The following FTO variants were observed in gnomAD, a reference collection of about 807,000 sequenced individuals.
FTO encodes the protein alpha-ketoglutarate-dependent dioxygenase FTO.
FTO carries 47 observed loss-of-function variants against 63.9 expected under a neutral mutation model. The ratio of observed to expected loss-of-function variants is 0.74; its 90% confidence interval spans 0.58 to 0.94. The LOEUF (loss-of-function observed/expected upper bound fraction) is 0.94, where lower values mean the gene tolerates loss of function less well. Among genes scored for constraint, FTO ranks in the 40% least tolerant of loss-of-function variants. The pLI, the probability that FTO is intolerant of heterozygous loss-of-function variation, is 0.00. For synonymous variants in FTO, 207 were observed against 224.4 expected, an observed-to-expected ratio of 0.92 and a Z score of 0.69; for missense variants, 562 against 618.1, an observed-to-expected ratio of 0.91 and a Z score of 0.96.
At chr16:54,053,896 C>T (rs1375030597) in intron 8 of FTO, among the ~76,000 whole-genome samples, 2 of 152,142 alleles carry the variant, frequency 1.3e-5, no homozygotes, top group Non-Finnish European at 2.9e-5. Flanking sequence ...TCGTAAGCAA[C>T]TTAAATCAAC....
intron 1 of FTO, among the ~76,000 whole-genome samples, chr16:53,809,674 A>T (rs2151735083): frequency 6.6e-6 from 1 of 152,206 alleles, no homozygotes; most frequent in East Asian, 1.9e-4. Context: ...GGGTGCCATG[A>T]CTCATGCCTG....
intron 7 of FTO, among the ~76,000 whole-genome samples, chr16:53,903,101 C>A (rs559052977): frequency 6.6e-6 from 1 of 152,210 alleles, no homozygotes; most frequent in South Asian, 2.1e-4. Flanking sequence ...CAGAGTGAGA[C>A]CCTGTCTCTT....
At position 53,873,802 on chromosome 16, in the gene FTO, C is replaced by T. The variant is rs1396105954; in HGVS notation, c.912C>T (p.Thr304=). The change falls in exon 5 of 9, where the codon ACC becomes ACT. Residue 304 remains threonine (T), a synonymous_variant. Coordinates refer to ENST00000471389, the MANE Select transcript of FTO (RefSeq NM_001080432.3). ...TTCCTGTAGATGATCTCAATGCCACCCACCAACACTGTGTTTTGGCCGGTT... is the reference window on the plus strand; with the variant it reads ...TTCCTGTAGATGATCTCAATGCCACTCACCAACACTGTGTTTTGGCCGGTT... ...CYFMLDDLNA[T]HQHCVLAGSQ... 8.7e-6 allele frequency: 14 copies of T among 1,612,666 alleles called. 1 individual carries two copies. The highest frequency in any genetic ancestry group is 3.3e-4 in the Middle Eastern group (2 of 6,074).
At chr16:54,064,769 C>A (rs12446690) in intron 8 of FTO, among the ~76,000 whole-genome samples, 8,887 of 152,108 alleles carry the variant, frequency 0.058, 354 homozygotes, top group East Asian at 0.14. Context: ...ATTAAACAGG[C>A]CTGTATACGT....
chr16:53,940,422 C>CA (rs1180971009), intron 8 of FTO, among the ~76,000 whole-genome samples: 2 of 152,168 alleles, frequency 1.3e-5, no homozygotes, highest in African/African-American at 4.8e-5. Context: ...TGCAGCAGTG[C>CA]ACGTTTCCCC....
intron 3 of FTO, among the ~76,000 whole-genome samples, chr16:53,836,239 C>A (rs913473782): frequency 6.6e-6 from 1 of 152,168 alleles, no homozygotes; most frequent in South Asian, 2.1e-4. Context: ...CATAAACATA[C>A]AGCTTGAAGA....
intron 2 of FTO, among the ~76,000 whole-genome samples, chr16:53,820,589 A>C (rs1180579449): frequency 6.6e-6 from 1 of 151,304 alleles, no homozygotes; most frequent in Non-Finnish European, 1.5e-5. Flanking sequence ...CTAACTCATC[A>C]TCTAGCTTTA....
rs200895945 is a variant in FTO at position 53,879,885 on chromosome 16, G to T, written c.1017G>T (p.Gln339His). Residue 339 changes from glutamine (Q) to histidine (H), a missense_variant, in exon 6 of 9, where the codon CAG becomes CAT. Coordinates refer to ENST00000471389, the MANE Select transcript of FTO (RefSeq NM_001080432.3). ...GTLDYILQRC[Q>H]LALQNVCDDV... ...TGGATTATATTTTACAACGCTGTCA[G>T]TTGGCTCTGCAGAATGTCTGTGACG... is the stretch of plus-strand genomic sequence containing the variant. 4.5e-5 allele frequency: 73 copies of T among 1,613,900 alleles called. No individual in the cohort carries two copies. Among genetic ancestry groups the T allele is most frequent in the Admixed American group, 3.5e-4 (21 of 60,004 alleles).
chr16:53,919,813 A>G (rs938534775), intron 7 of FTO, among the ~76,000 whole-genome samples: 7 of 152,104 alleles, frequency 4.6e-5, no homozygotes, highest in African/African-American at 1.4e-4. Context: ...GAATGATACA[A>G]TGGACTTTGG....
chr16:53,997,006 A>G (rs2083946821), intron 8 of FTO, among the ~76,000 whole-genome samples: 2 of 152,004 alleles, frequency 1.3e-5, no homozygotes, highest in Non-Finnish European at 2.9e-5. Context: ...TCAGCTGTTC[A>G]GAAGGCTGAG....
At chr16:54,067,202 G>T (rs1599308746) in intron 8 of FTO, among the ~76,000 whole-genome samples, 1 of 149,100 alleles carries the variant, frequency 6.7e-6, no homozygotes. Flanking sequence ...ATGCATTTCT[G>T]GTTAATTTAT....
At chr16:53,977,800 G>A (rs953426571) in intron 8 of FTO, among the ~76,000 whole-genome samples, 4 of 152,142 alleles carry the variant, frequency 2.6e-5, no homozygotes, top group Non-Finnish European at 4.4e-5. Context: ...CATTCTTTAT[G>A]CATAAAACTA....
intron 8 of FTO, among the ~76,000 whole-genome samples, chr16:53,988,420 G>A (rs2083724211): frequency 6.6e-6 from 1 of 152,172 alleles, no homozygotes; most frequent in South Asian, 2.1e-4. Flanking sequence ...TTCTGGCAGG[G>A]TTTGCCACAT....
At chr16:53,835,931 C>T (rs1228151964) in intron 3 of FTO, among the ~76,000 whole-genome samples, 1 of 146,874 alleles carries the variant, frequency 6.8e-6, no homozygotes, top group Non-Finnish European at 1.5e-5. Flanking sequence ...GCTCTTGTCA[C>T]CCAGGCTGGT....
In FTO at chr16:54,121,251, C is replaced by T. The variant is rs117385455; in HGVS notation, c.*9336C>T. On this transcript the variant is annotated 3_prime_UTR_variant, in exon 9 of 9. Coordinates refer to ENST00000471389, the MANE Select transcript of FTO (RefSeq NM_001080432.3). The stretch of plus-strand genomic sequence containing the variant: ...CAAGGATTGTTGTATCACCTGTGAT[C>T]GTGCCTATTAAGCAATTAACGTCAT... The T allele has an allele frequency of 2.6e-5, 4 of 152,168 alleles. No individual in the cohort carries two copies. Among genetic ancestry groups the T allele is most frequent in the African/African-American group, 9.7e-5 (4 of 41,434 alleles). The allele number at this position is 152,168 out of a possible 1,614,324, so 9.4% of individuals were successfully genotyped here.
In FTO at chr16:53,878,394, A is replaced by G. The variant is rs2080728814; in HGVS notation, c.976-1450A>G. On this transcript the variant is annotated intron_variant, in intron 5 of 8. Transcript: ENST00000471389. Reference sequence around the variant, plus strand: ...TTTGTGGGGTTTTTTTTGGCAGGAAATTGGAGCTGCCTGCCCTTATGCACC... The same window carrying G: ...TTTGTGGGGTTTTTTTTGGCAGGAAGTTGGAGCTGCCTGCCCTTATGCACC... Among the ~76,000 whole-genome samples, 3 of 152,208 alleles carry G rather than the reference A, an allele frequency of 2.0e-5. No individual in the cohort carries two copies. In the South Asian group the frequency reaches 6.2e-4, roughly 32 times the overall value.
chr16:53,763,876 G>A (rs1244730028), intron 1 of FTO, among the ~76,000 whole-genome samples: 1 of 152,300 alleles, frequency 6.6e-6, no homozygotes, highest in Admixed American at 6.5e-5. Flanking sequence ...TGAAACAGCA[G>A]GGGCAAGATT....
chr16:53,904,536 C>T (rs751084409), intron 7 of FTO, among the ~76,000 whole-genome samples: 7 of 152,048 alleles, frequency 4.6e-5, no homozygotes, highest in African/African-American at 1.2e-4. Context: ...GTGATGGGTG[C>T]GGTTAGCGTG....
chr16:54,087,013 C>T (rs966925787), intron 8 of FTO, among the ~76,000 whole-genome samples: 2 of 152,168 alleles, frequency 1.3e-5, no homozygotes, highest in Non-Finnish European at 1.5e-5. Context: ...GCTGGGTGCT[C>T]TGTAGCTGAG....
Sources: allele counts gnomAD v4.1 joint callset (sites outside exome capture counted in the v4.1 genomes callset), GRCh38; gene constraint gnomAD v4.1.1; transcripts MANE v1.5; gene names NCBI Gene and HGNC (gene_info 2026-07-23, HGNC 2026-07-21).